FARP2: variants seen among roughly 807,000 people sequenced by gnomAD.
The protein encoded by FARP2 is FERM, ARHGEF and pleckstrin domain-containing protein 2.
A neutral mutation model predicts 130.5 loss-of-function variants in FARP2; 111 were observed. The ratio of observed to expected loss-of-function variants is 0.85; its 90% CI spans 0.73 to 1.00. The LOEUF is 1.00. FARP2 is among the 50% of genes least tolerant of loss of function. FARP2 has a pLI of 0.00. For missense variants in FARP2, 1,385 were observed against 1,346.3 expected (o/e 1.03, Z -0.45); for synonymous variants, 504 against 516.9 (o/e 0.98, Z 0.34).
At chr2:241,493,687 A>T in intron 26 of FARP2, 1 of 543,952 alleles carries the variant, frequency 1.8e-6, no homozygotes. Flanking sequence ...CTGCACCTCC[A>T]GGGTTCAAGC....
At chr2:241,379,537 G>C (rs1287050385) in intron 2 of FARP2, among the ~76,000 whole-genome samples, 5 of 152,130 alleles carry the variant, frequency 3.3e-5, no homozygotes, top group African/African-American at 1.2e-4. Flanking sequence ...AGGTTAAATA[G>C]TGACAAGTAG....
At chr2:241,436,394 A>G (rs1054586695) in intron 11 of FARP2, 87 bp from the exon 12 acceptor site, 4 of 1,138,512 alleles carry the variant, frequency 3.5e-6, no homozygotes, top group African/African-American at 1.5e-5. Context: ...GGTTTTCTTC[A>G]TGGATACAGT....
At chr2:241,486,208 G>A (rs1456438037) in intron 21 of FARP2, among the ~76,000 whole-genome samples, 1 of 152,042 alleles carries the variant, frequency 6.6e-6, no homozygotes, top group African/African-American at 2.4e-5. Context: ...CACTTTAGGA[G>A]GTCAAGATGG....
rs1466219820 is a variant in FARP2 at position 241,376,054 on chromosome 2, AAATCACAGGTCTGTTTGTTGGTTTGG to A, written c.183+2766_183+2791del. On this transcript the variant is annotated intron_variant, in intron 2 of 26. Transcript: ENST00000264042. ...ACAAACCATCCCAAACATGGAGCTT[AAATCACAGGTCTGTTTGTTGGTTTGG>A]AGGCTCTACTAGGCTGACTTGGAGG... is the stretch of plus-strand genomic sequence containing the variant. 3.3e-5 allele frequency among the ~76,000 whole-genome samples: 5 copies of A among 152,328 alleles called. No individual in the cohort carries two copies. The East Asian group carries it at 9.6e-4, about 29-fold the overall frequency.
chr2:241,447,991 GT>G (rs930651055), intron 13 of FARP2, among the ~76,000 whole-genome samples: 18 of 152,330 alleles, frequency 1.2e-4, no homozygotes, highest in Admixed American at 1.0e-3. Flanking sequence ...TGAGGCCAGG[GT>G]GGGAGGCACC....
intron 9 of FARP2, 56 bp downstream of exon 9, chr2:241,431,830 A>T (rs148538153): frequency 0.061 from 37,599 of 618,190 alleles, 1,475 homozygotes; most frequent in African/African-American, 0.14. Context: ...TTATTTATTT[A>T]TTTTTTTGAG....
chr2:241,460,113 C>CT (rs1387520434), intron 14 of FARP2, among the ~76,000 whole-genome samples: 1 of 152,198 alleles, frequency 6.6e-6, no homozygotes, highest in African/African-American at 2.4e-5. Flanking sequence ...CTACCAGACT[C>CT]TCCCCCAGGG....
At chr2:241,413,725 C>T (rs1233463921) in intron 7 of FARP2, among the ~76,000 whole-genome samples, 2 of 152,110 alleles carry the variant, frequency 1.3e-5, no homozygotes, top group Admixed American at 6.5e-5. Context: ...GGTGGATTGC[C>T]TGAGGTCAGG....
chr2:241,463,933 C>T lies in FARP2; in HGVS notation c.1846C>T (p.His616Tyr). 1 of 1,614,074 alleles carries T rather than the reference C, an allele frequency of 6.2e-7. No individual in the cohort carries two copies. The highest frequency in any genetic ancestry group is 8.5e-7 in the Non-Finnish European group (1 of 1,179,972). Residue 616 changes from histidine (H) to tyrosine (Y), a missense_variant, in exon 17 of 27, where the codon CAT (histidine) becomes TAT (tyrosine). Coordinates refer to ENST00000264042, the MANE Select transcript of FARP2 (RefSeq NM_014808.4). Reference protein sequence around the residue: ...GPSKAHTKGSHQRIGDILLRN... With the variant: ...GPSKAHTKGSYQRIGDILLRN... ...CTCCAAAGCCCACACAAAAGGCAGT[C>T]ATCAACGAATCGGGGACATCCTGCT...
At chr2:241,484,423 C>A in intron 21 of FARP2, 92 bp downstream of exon 21, 2 of 996,636 alleles carry the variant, frequency 2.0e-6, no homozygotes, top group African/African-American at 1.6e-5. Flanking sequence ...CCTTACCCAG[C>A]AACACTGAGA....
intron 13 of FARP2, among the ~76,000 whole-genome samples, chr2:241,448,987 C>G (rs999839830): frequency 6.6e-6 from 1 of 152,220 alleles, no homozygotes; most frequent in Non-Finnish European, 1.5e-5. Context: ...ACCTGGACCC[C>G]TTGCCATTAA....
In FARP2 at chr2:241,373,220, G is replaced by A; in HGVS notation, c.113G>A (p.Arg38Lys). ...GAGCCTGGGCAGACTCTCTTGCCCA[G>A]AATGCAAGAGAAGCACCTGCACCTC... Reference protein sequence around the residue: ...TLEPGQTLLPRMQEKHLHLRV... With the variant: ...TLEPGQTLLPKMQEKHLHLRV... The change falls in exon 2 of 27, where the codon AGA (arginine) becomes AAA (lysine). Residue 38 changes from arginine to lysine, a missense_variant. Arg to Lys is a conservative substitution (Grantham distance 26). Coordinates refer to ENST00000264042, the MANE Select transcript of FARP2 (RefSeq NM_014808.4). The A allele has an allele frequency of 6.4e-7, 1 of 1,567,800 alleles. No homozygotes were observed. The highest frequency in any genetic ancestry group is 8.7e-7 in the Non-Finnish European group (1 of 1,150,798).
chr2:241,377,014 G>GTTTTGAAT (rs1392372387), intron 2 of FARP2, among the ~76,000 whole-genome samples: 14 of 152,220 alleles, frequency 9.2e-5, no homozygotes, highest in African/African-American at 3.4e-4. Flanking sequence ...CTTTAAGAAT[G>GTTTTGAAT]TTTTGAATTT....
chr2:241,414,022 G>A (rs1337617877), intron 7 of FARP2, among the ~76,000 whole-genome samples: 2 of 152,046 alleles, frequency 1.3e-5, no homozygotes, highest in South Asian at 2.1e-4. Flanking sequence ...GTGGCTATTG[G>A]GGGGGTGTCA....
At chr2:241,433,854 T>C (rs1490497277) in intron 9 of FARP2, among the ~76,000 whole-genome samples, 1 of 151,990 alleles carries the variant, frequency 6.6e-6, no homozygotes, top group African/African-American at 2.4e-5. Flanking sequence ...GGCAAAACCC[T>C]TTTTCTACAA....
chr2:241,454,786 C>T (rs1051288860), intron 13 of FARP2, among the ~76,000 whole-genome samples: 2 of 152,118 alleles, frequency 1.3e-5, no homozygotes, highest in Admixed American at 1.3e-4. Context: ...GTGATGTTAC[C>T]TAGGTTTTCT....
chr2:241,416,672 A>T (rs765955173), intron 7 of FARP2, among the ~76,000 whole-genome samples: 2 of 152,192 alleles, frequency 1.3e-5, no homozygotes, highest in Non-Finnish European at 2.9e-5. Context: ...CATGCCTGTA[A>T]TCCCAACACT....
intron 17 of FARP2, chr2:241,465,444 T>C: frequency 6.5e-7 from 1 of 1,547,742 alleles, no homozygotes; most frequent in Non-Finnish European, 8.7e-7. Context: ...GCTAGGCTCA[T>C]AGGTTTTTCT....
chr2:241,490,921 A>T (rs1264045730), intron 22 of FARP2, 140 bp from the exon 23 acceptor site: 1 of 700,210 alleles, frequency 1.4e-6, no homozygotes, highest in Non-Finnish European at 2.6e-6. Flanking sequence ...GCTGGAGGGG[A>T]CACGTTTCCC....
Sources: gnomAD v4.1 joint callset for allele counts (sites outside exome capture counted in the v4.1 genomes callset) on GRCh38, gnomAD v4.1.1 for gene constraint, MANE v1.5 for transcripts, NCBI Gene and HGNC (gene_info 2026-07-23, HGNC 2026-07-21) for gene names.